The following LYST variants were observed in gnomAD, a reference collection of about 807,000 sequenced individuals.
The protein encoded by LYST is lysosomal trafficking regulator.
LYST carries 192 observed loss-of-function variants against 413.6 expected under a neutral mutation model. The ratio of observed to expected loss-of-function variants is 0.46; its 90% confidence interval spans 0.41 to 0.52. The LOEUF is 0.52. Ranked by LOEUF, LYST falls within the 20% of genes least tolerant of loss-of-function variation. LYST has a pLI of 0.00. For synonymous variants in LYST, 1,525 were observed against 1,567.3 expected, an observed-to-expected ratio of 0.97 and a Z score of 0.64; for missense variants, 3,815 against 4,499.9, an observed-to-expected ratio of 0.85 and a Z score of 4.35.
intron 37 of LYST, among the ~76,000 whole-genome samples, 199 bp downstream of exon 37, chr1:235,729,397 C>A (rs1014341960): frequency 1.3e-5 from 2 of 152,144 alleles, no homozygotes; most frequent in African/African-American, 4.8e-5. Flanking sequence ...TATTCATGTG[C>A]TTTTCAGAAC....
At position 235,862,864 on chromosome 1, in the gene LYST, T is replaced by C. The variant is rs937553163; in HGVS notation, c.-98+3979A>G. Among the ~76,000 whole-genome samples, 16 of 144,682 alleles carry C rather than the reference T, an allele frequency of 1.1e-4. No homozygotes were observed. The East Asian group carries it at 3.2e-3, about 29-fold the overall frequency. 94.9% of individuals were successfully genotyped at this position (144,682 alleles called of 152,430 possible). On this transcript the variant is annotated intron_variant, in intron 1 of 52. Transcript: ENST00000389793. ...ACACACACACCCCTTCAAGATAAAG[T>C]GAGACTACCATAAAACCAACCACTT...
intron 48 of LYST, among the ~76,000 whole-genome samples, chr1:235,680,564 C>T (rs1659728742): frequency 6.6e-6 from 1 of 151,892 alleles, no homozygotes; most frequent in African/African-American, 2.4e-5. Context: ...CTGTGACTGG[C>T]CCATGGATAT....
chr1:235,858,084 A>G (rs1215217838), intron 1 of LYST, among the ~76,000 whole-genome samples: 1 of 152,206 alleles, frequency 6.6e-6, no homozygotes, highest in Non-Finnish European at 1.5e-5. Context: ...TTCATTATCC[A>G]TAAGAACAAT....
intron 14 of LYST, among the ~76,000 whole-genome samples, chr1:235,782,629 T>C (rs1278917949): frequency 6.6e-6 from 1 of 152,140 alleles, no homozygotes; most frequent in Non-Finnish European, 1.5e-5. Flanking sequence ...CCATGGGAAA[T>C]GTGACTAAAC....
rs866706137 is a variant in LYST at position 235,711,631 on chromosome 1, A to T, written c.9925+426T>A. ...TACTCCAGTATTCCTTTTGGTTATT[A>T]GATAATTCTGGGCAGAGTATTTTAT... On this transcript the variant is annotated intron_variant, in intron 43 of 52. Transcript: ENST00000389793. Among the ~76,000 whole-genome samples, 206 of 152,326 alleles carry T rather than the reference A, an allele frequency of 1.4e-3. 1 individual carries two copies. Among genetic ancestry groups the T allele is most frequent in the African/African-American group, 4.9e-3 (203 of 41,588 alleles).
intron 1 of LYST, among the ~76,000 whole-genome samples, chr1:235,842,800 C>A (rs1355150550): frequency 6.6e-6 from 1 of 152,208 alleles, no homozygotes; most frequent in African/African-American, 2.4e-5. Context: ...CTGCAGACAT[C>A]TGGATAGTTA....
At chr1:235,876,350 T>C (rs1012868718) in intron 1 of LYST, among the ~76,000 whole-genome samples, 3 of 152,222 alleles carry the variant, frequency 2.0e-5, no homozygotes, top group African/African-American at 7.2e-5. Context: ...GTATTTCTAT[T>C]GTTATTTTCT....
At chr1:235,791,671 T>C (rs775189848) in intron 12 of LYST, 28 bp downstream of exon 12, 88 of 1,571,368 alleles carry the variant, frequency 5.6e-5, no homozygotes, top group South Asian at 1.1e-5. Flanking sequence ...AATCTTTGTG[T>C]ACAAATCAGA....
chr1:235,760,891 T>C (rs1667512885), intron 22 of LYST, among the ~76,000 whole-genome samples: 1 of 152,250 alleles, frequency 6.6e-6, no homozygotes, highest in Non-Finnish European at 1.5e-5. Flanking sequence ...GGTATGATTG[T>C]ATTTGAAAAT....
intron 1 of LYST, among the ~76,000 whole-genome samples, chr1:235,873,925 C>A (rs952538433): frequency 5.3e-5 from 8 of 152,160 alleles, no homozygotes; most frequent in African/African-American, 1.9e-4. Context: ...TTAAAAATTA[C>A]AAGGACTCGC....
chr1:235,766,760 T>C (rs1668187473), intron 20 of LYST, among the ~76,000 whole-genome samples: 1 of 152,106 alleles, frequency 6.6e-6, no homozygotes, highest in Non-Finnish European at 1.5e-5. Flanking sequence ...CATATAAATG[T>C]TAGTGATAAA....
At chr1:235,728,904 C>G (rs1664127669) in intron 37 of LYST, among the ~76,000 whole-genome samples, 1 of 152,128 alleles carries the variant, frequency 6.6e-6, no homozygotes, top group Non-Finnish European at 1.5e-5. Context: ...CACTGGAGGG[C>G]TCATCAGAAC....
intron 43 of LYST, among the ~76,000 whole-genome samples, chr1:235,710,509 T>G (rs1662324927): frequency 6.6e-6 from 1 of 152,180 alleles, no homozygotes; most frequent in Admixed American, 6.6e-5. Context: ...ATCTGACTCC[T>G]GACCCAAAGC....
intron 3 of LYST, chr1:235,827,988 G>T: frequency 5.3e-6 from 2 of 380,170 alleles, no homozygotes; most frequent in South Asian, 1.1e-4. Flanking sequence ...CATAAAAGAA[G>T]ATATACAAAT....
intron 1 of LYST, among the ~76,000 whole-genome samples, chr1:235,860,927 C>T (rs10803109): frequency 0.44 from 67,416 of 151,872 alleles, 16,177 homozygotes; most frequent in African/African-American, 0.61. Context: ...TAGAATTTTA[C>T]AGATGGAACA....
chr1:235,819,926 G>T (rs568051467), intron 3 of LYST, among the ~76,000 whole-genome samples: 1 of 152,188 alleles, frequency 6.6e-6, no homozygotes, highest in South Asian at 2.1e-4. Flanking sequence ...GATTACAGGC[G>T]TGAGCCACCG....
intron 1 of LYST, among the ~76,000 whole-genome samples, chr1:235,850,360 T>C (rs563787748): frequency 2.6e-4 from 40 of 152,286 alleles, no homozygotes; most frequent in African/African-American, 8.7e-4. Flanking sequence ...TCTCTCACCT[T>C]ATACAAAAAA....
chr1:235,806,919 CTTAG>C (rs1672909671), intron 5 of LYST, 147 bp from the exon 6 acceptor site: 4 of 651,772 alleles, frequency 6.1e-6, no homozygotes, highest in South Asian at 1.9e-5. Context: ...GGCTAAAGTT[CTTAG>C]TTAGATATAA....
intron 1 of LYST, among the ~76,000 whole-genome samples, chr1:235,872,219 C>G (rs1020413339): frequency 3.4e-5 from 5 of 149,126 alleles, no homozygotes; most frequent in African/African-American, 1.2e-4. Context: ...TTGCTTGAAC[C>G]TGGGAGACGG....
Sources: allele counts gnomAD v4.1 joint callset (sites outside exome capture counted in the v4.1 genomes callset), GRCh38; gene constraint gnomAD v4.1.1; transcripts MANE v1.5; gene names NCBI Gene and HGNC (gene_info 2026-07-23, HGNC 2026-07-21).